Variants in EXOC4 observed in about 807,000 individuals in gnomAD.
EXOC4 encodes the protein exocyst complex component 4.
In EXOC4, 71 loss-of-function variants were observed where a neutral mutation model predicts 107.2. That is an observed-to-expected ratio of 0.66 (90% CI 0.55 to 0.81). The LOEUF (loss-of-function observed/expected upper bound fraction) is 0.81, where lower values mean the gene tolerates loss of function less well. Ranked by LOEUF, EXOC4 falls within the 30% of genes least tolerant of loss-of-function variation. The pLI, the probability that EXOC4 is intolerant of heterozygous loss-of-function variation, is 0.00. For missense variants in EXOC4, 1,108 were observed against 1,189.6 expected, an observed-to-expected ratio of 0.93 and a Z score of 1.01; for synonymous variants, 456 against 441.2, an observed-to-expected ratio of 1.03 and a Z score of -0.42.
intron 5 of EXOC4, among the ~76,000 whole-genome samples, chr7:133,333,258 A>T (rs1462049662): frequency 6.6e-6 from 1 of 152,162 alleles, no homozygotes; most frequent in Non-Finnish European, 1.5e-5. Context: ...CTTATTGCTC[A>T]AATTGTCCCA....
At position 133,480,138 on chromosome 7, in the gene EXOC4, G is replaced by C; in HGVS notation, c.1417G>C (p.Gly473Arg). 1 of 1,613,740 alleles carries C rather than the reference G, an allele frequency of 6.2e-7. No homozygotes were observed. Among genetic ancestry groups the C allele is most frequent in the Non-Finnish European group, 8.5e-7 (1 of 1,179,694 alleles). ...CTATAGTCGGAGTGGAGAACTGCAA[G>C]GTGAGTGATTGAGCTTCTCTGGAAA... ...ELYSRSGELQGGPDDNLIEGG... is the reference protein window; with the variant it reads ...ELYSRSGELQRGPDDNLIEGG... The change falls in exon 9 of 18, where the codon GGG (glycine) becomes CGG (arginine). Residue 473 changes from glycine (G) to arginine (R), a missense_variant and splice_region_variant. By Grantham distance (125) the Gly-to-Arg change is moderately radical (BLOSUM62 -2). Coordinates refer to ENST00000253861, the MANE Select transcript of EXOC4 (RefSeq NM_021807.4).
intron 17 of EXOC4, among the ~76,000 whole-genome samples, chr7:134,036,182 A>T (rs890254771): frequency 1.3e-5 from 2 of 152,154 alleles, no homozygotes; most frequent in South Asian, 4.1e-4. Flanking sequence ...TTAATGACAA[A>T]CGTAATTCAG....
chr7:133,670,380 C>G lies in EXOC4; in HGVS notation c.1514+40239C>G, dbSNP rs576418603. On this transcript the variant is annotated intron_variant, in intron 10 of 17. Coordinates refer to ENST00000253861, the MANE Select transcript of EXOC4 (RefSeq NM_021807.4). The stretch of plus-strand genomic sequence containing the variant: ...TATTATGTGAAAGATTCTGGCATTT[C>G]CTAGCTGCCTAGCCAGTGTATGGTT... Among the ~76,000 whole-genome samples the G allele has an allele frequency of 2.0e-5, 3 of 152,332 alleles. No individual in the cohort carries two copies. In the South Asian group the frequency reaches 6.2e-4, roughly 32 times the overall value.
At chr7:133,608,707 C>T (rs938691065) in intron 9 of EXOC4, among the ~76,000 whole-genome samples, 1 of 151,764 alleles carries the variant, frequency 6.6e-6, no homozygotes, top group African/African-American at 2.4e-5. Flanking sequence ...TGCCACCACG[C>T]CCAGCTAATT....
At chr7:133,957,877 T>A (rs1411360570) in intron 14 of EXOC4, among the ~76,000 whole-genome samples, 2 of 152,232 alleles carry the variant, frequency 1.3e-5, no homozygotes, top group African/African-American at 4.8e-5. Flanking sequence ...ACTGAATTAG[T>A]CATGTGTATT....
chr7:134,047,491 A>G (rs1433476676), intron 17 of EXOC4, among the ~76,000 whole-genome samples: 1 of 152,048 alleles, frequency 6.6e-6, no homozygotes, highest in African/African-American at 2.4e-5. Context: ...ATTTTATCCT[A>G]TTGTATGTCA....
intron 2 of EXOC4, among the ~76,000 whole-genome samples, chr7:133,285,938 A>G (rs1794266576): frequency 1.3e-5 from 2 of 151,794 alleles, no homozygotes; most frequent in South Asian, 2.1e-4. Context: ...TTTTTAATTT[A>G]TGGTGGAGAC....
At chr7:133,879,147 GGCTTGA>G (rs1192110473) in intron 11 of EXOC4, among the ~76,000 whole-genome samples, 1 of 152,036 alleles carries the variant, frequency 6.6e-6, no homozygotes, top group Non-Finnish European at 1.5e-5. Context: ...TCTGTCGCCA[GGCTTGA>G]GTATTGGTGC....
At chr7:133,567,815 C>T (rs1800936847) in intron 9 of EXOC4, among the ~76,000 whole-genome samples, 2 of 152,278 alleles carry the variant, frequency 1.3e-5, no homozygotes, top group Admixed American at 1.3e-4. Context: ...TTATTCTGAG[C>T]TCACTCCTGT....
At chr7:133,985,472 C>T (rs1371749950) in intron 14 of EXOC4, among the ~76,000 whole-genome samples, 1 of 152,184 alleles carries the variant, frequency 6.6e-6, no homozygotes. Flanking sequence ...CTAGAAGCTG[C>T]TTAAACAACC....
intron 17 of EXOC4, chr7:134,010,434 C>A (rs1405198860): frequency 6.6e-6 from 1 of 152,256 alleles, no homozygotes; most frequent in East Asian, 1.9e-4. Flanking sequence ...TACTCATAGT[C>A]TCTTTCCCTC....
chr7:133,520,836 T>A (rs1215261903), intron 9 of EXOC4, among the ~76,000 whole-genome samples: 2 of 152,186 alleles, frequency 1.3e-5, no homozygotes, highest in African/African-American at 4.8e-5. Context: ...AACAGCTCAG[T>A]AAAAGAGTGA....
At chr7:133,938,144 T>C (rs1358204702) in intron 14 of EXOC4, 75 bp downstream of exon 14, 1 of 1,468,148 alleles carries the variant, frequency 6.8e-7, no homozygotes, top group African/African-American at 1.4e-5. Context: ...AAGATGAGAG[T>C]GTACACTGGT....
intron 10 of EXOC4, among the ~76,000 whole-genome samples, chr7:133,766,987 G>A (rs1447195843): frequency 6.6e-6 from 1 of 151,780 alleles, no homozygotes. Flanking sequence ...TTTGTCAGAC[G>A]CTAGATATTT....
At chr7:133,721,217 G>A (rs1356676080) in intron 10 of EXOC4, among the ~76,000 whole-genome samples, 1 of 152,038 alleles carries the variant, frequency 6.6e-6, no homozygotes, top group African/African-American at 2.4e-5. Flanking sequence ...ACATTTATCA[G>A]CAATGGCATT....
chr7:134,097,412 G>A, the EXOC4 span, among the ~76,000 whole-genome samples: 1 of 151,266 alleles, frequency 6.6e-6, no homozygotes, highest in South Asian at 2.1e-4. Flanking sequence ...TTCCCAGAAG[G>A]TGGGTATGAA....
At chr7:133,660,134 T>A (rs1562896104) in intron 10 of EXOC4, among the ~76,000 whole-genome samples, 1 of 152,046 alleles carries the variant, frequency 6.6e-6, no homozygotes, top group Non-Finnish European at 1.5e-5. Context: ...TGAATATTAA[T>A]AACAAGCTAA....
chr7:133,898,424 A>G (rs1799371115), intron 12 of EXOC4, among the ~76,000 whole-genome samples: 1 of 152,104 alleles, frequency 6.6e-6, no homozygotes, highest in South Asian at 2.1e-4. Context: ...CTCATCTACC[A>G]AAAGAGAATG....
rs552126104 is a variant in EXOC4 at position 133,926,042 on chromosome 7, CAAA to C, written c.2027+8321_2027+8323del. ...TAGGCAACAGAGCAAGACTCCGTCT[CAAA>C]AAAAAAAAAAAAAAAAGAAGAAAAG... On this transcript the variant is annotated intron_variant, in intron 13 of 17. Transcript: ENST00000253861. Among the ~76,000 whole-genome samples, 362 of 104,668 alleles carry C rather than the reference CAAA, an allele frequency of 3.5e-3. 2 individuals carry two copies. Among genetic ancestry groups the C allele is most frequent in the African/African-American group, 0.012 (340 of 29,362 alleles). 68.7% of individuals were successfully genotyped at this position (104,668 alleles called of 152,430 possible).
Sources: allele counts gnomAD v4.1 joint callset (sites outside exome capture counted in the v4.1 genomes callset), GRCh38; gene constraint gnomAD v4.1.1; transcripts MANE v1.5; gene names NCBI Gene and HGNC (gene_info 2026-07-23, HGNC 2026-07-21).